Variants in POLR1B observed in about 807,000 individuals in gnomAD.
POLR1B encodes the protein RNA polymerase I subunit B.
A neutral mutation model predicts 105.8 loss-of-function variants in POLR1B; 30 were observed. That is an observed-to-expected ratio of 0.28 (90% CI 0.21 to 0.38). The LOEUF (loss-of-function observed/expected upper bound fraction) is 0.38. Among genes scored for constraint, POLR1B ranks in the 10% least tolerant of loss-of-function variants. The pLI, the probability that POLR1B is intolerant of heterozygous loss-of-function variation, is 1.00. For missense variants in POLR1B, 976 were observed against 1,435.8 expected (o/e 0.68, Z 5.17); for synonymous variants, 485 against 505.1 (o/e 0.96, Z 0.53).
intron 9 of POLR1B, among the ~76,000 whole-genome samples, chr2:112,561,557 G>A (rs1368742592): frequency 6.6e-6 from 1 of 152,010 alleles, no homozygotes; most frequent in Non-Finnish European, 1.5e-5. Flanking sequence ...GTGCCTAGGG[G>A]AAATACAGGG....
At chr2:112,570,725 T>G (rs748748851) in intron 12 of POLR1B, among the ~76,000 whole-genome samples, 2 of 152,120 alleles carry the variant, frequency 1.3e-5, no homozygotes, top group Non-Finnish European at 2.9e-5. Context: ...AACATTGTTA[T>G]GCAGTGCATG....
Position 112,575,247 on chromosome 2 carries a change from A to G in POLR1B, c.2926A>G (p.Thr976Ala). ...LKAAGYNFYGTERLYSGISGL... is the reference protein window; with the variant it reads ...LKAAGYNFYGAERLYSGISGL... ...GGCTGCTGGCTACAATTTCTATGGC[A>G]CCGAGAGGTTATATAGTGGCATCAG... The change falls in exon 15 of 15, where the codon ACC becomes GCC. Residue 976 changes from threonine to alanine, a missense_variant. Thr to Ala is a moderately conservative substitution (Grantham distance 58). Transcript: ENST00000263331. The surrounding 1 kb of genome is among the most constrained non-coding windows in gnomAD (Gnocchi z 5.3). 1 of 1,614,212 alleles carries G rather than the reference A, an allele frequency of 6.2e-7. No homozygotes were observed. The highest frequency in any genetic ancestry group is 2.2e-5 in the East Asian group (1 of 44,888).
In POLR1B at chr2:112,572,697, T is replaced by C. The variant is rs760076653; in HGVS notation, c.2210T>C (p.Ile737Thr). The C allele has an allele frequency of 1.7e-5, 27 of 1,612,920 alleles. No homozygotes were observed. Among genetic ancestry groups the C allele is most frequent in the Non-Finnish European group, 2.1e-5 (25 of 1,179,558 alleles). Residue 737 changes from isoleucine (I) to threonine (T), a missense_variant, in exon 13 of 15, where the codon ATT (isoleucine) becomes ACT (threonine). This residue lies in a region of POLR1B where 46 missense variants were observed against 66.8 expected (regional missense o/e 0.69). Transcript: ENST00000263331. ...TATTATGACATGGATAACTATCCAA[T>C]TGGGACCAATGCCATCGTTGCTGTG... ...YDYYDMDNYP[I>T]GTNAIVAVIS...
chr2:112,556,027 T>A (rs1683640500), intron 7 of POLR1B, among the ~76,000 whole-genome samples: 1 of 152,050 alleles, frequency 6.6e-6, no homozygotes, highest in Non-Finnish European at 1.5e-5. Flanking sequence ...GACATAGTTA[T>A]GAAAAAAAAG....
intron 1 of POLR1B, chr2:112,545,797 G>T: frequency 2.7e-6 from 1 of 364,546 alleles, no homozygotes; most frequent in Non-Finnish European, 5.3e-6. Context: ...GCACCACTAT[G>T]CCCGGCTAAT....
At position 112,548,615 on chromosome 2, in the gene POLR1B, C is replaced by CT. The variant is rs199599329; in HGVS notation, c.493-637dup. 5.4e-3 allele frequency among the ~76,000 whole-genome samples: 770 copies of CT among 142,670 alleles called. 2 individuals are homozygous for CT. The highest frequency in any genetic ancestry group is 0.013 in the South Asian group (57 of 4,510). 93.6% of individuals were successfully genotyped at this position (142,670 alleles called of 152,430 possible). On this transcript the variant is annotated intron_variant, in intron 3 of 14. Coordinates refer to ENST00000263331, the MANE Select transcript of POLR1B (RefSeq NM_019014.6). ...CAAAATGGTTACAGTTTTTATCTTT[C>CT]TTTTTTTTTTTTTTTGAGACGGAGT...
rs763660832 is a variant in POLR1B, at chr2:112,572,700, G to C, written c.2213G>C (p.Gly738Ala). The change falls in exon 13 of 15, where the codon GGG becomes GCG. Residue 738 changes from glycine (G) to alanine (A), a missense_variant. Gly to Ala is a moderately conservative substitution (Grantham distance 60, BLOSUM62 0). Coordinates refer to ENST00000263331, the MANE Select transcript of POLR1B (RefSeq NM_019014.6). ...DYYDMDNYPI[G>A]TNAIVAVISY... ...TATGACATGGATAACTATCCAATTG[G>C]GACCAATGCCATCGTTGCTGTGATT... 6.2e-7 allele frequency: 1 copy of C among 1,611,430 alleles called. No individual in the cohort carries two copies. The highest frequency in any genetic ancestry group is 8.5e-7 in the Non-Finnish European group (1 of 1,178,730).
At position 112,558,484 on chromosome 2, in the gene POLR1B, A is replaced by T. The variant is rs143696425; in HGVS notation, c.1330+403A>T. ...GAGACCAAGGTAGGAGGGTCACTTG[A>T]TCCTAGGAGGTCAAGGCTGCAGTGA... is the stretch of plus-strand genomic sequence containing the variant. On this transcript the variant is annotated intron_variant, in intron 8 of 14. Coordinates refer to ENST00000263331, the MANE Select transcript of POLR1B (RefSeq NM_019014.6). Among the ~76,000 whole-genome samples the T allele has an allele frequency of 8.7e-3, 1,323 of 152,148 alleles. 29 individuals carry two copies. The highest frequency in any genetic ancestry group is 0.03 in the African/African-American group (1,246 of 41,520).
At position 112,550,857 on chromosome 2, in the gene POLR1B, G is replaced by C. The variant is rs1299889390; in HGVS notation, c.626-9G>C. ...GAGTTTCTGATTTTTTTGTTGTTTGGTTCAATAGGAGTTTCAATGCACTGT... is the reference window on the plus strand; with the variant it reads ...GAGTTTCTGATTTTTTTGTTGTTTGCTTCAATAGGAGTTTCAATGCACTGT... On this transcript the variant is annotated splice_polypyrimidine_tract_variant and intron_variant, in intron 4 of 14. Transcript: ENST00000263331. 1 of 1,612,116 alleles carries C rather than the reference G, an allele frequency of 6.2e-7. No homozygotes were observed. Among genetic ancestry groups the C allele is most frequent in the Non-Finnish European group, 8.5e-7 (1 of 1,179,248 alleles).
intron 10 of POLR1B, among the ~76,000 whole-genome samples, chr2:112,565,974 T>G (rs1166257491): frequency 1.3e-5 from 2 of 152,086 alleles, no homozygotes; most frequent in African/African-American, 4.8e-5. Context: ...GTCTTGTGCC[T>G]CAGCCTCCTG....
intron 7 of POLR1B, chr2:112,554,666 A>G (rs1357723555): frequency 6.6e-6 from 1 of 152,206 alleles, no homozygotes; most frequent in Non-Finnish European, 1.5e-5. Context: ...AAAGTGAAGC[A>G]TGGTGGGCTC....
chr2:112,552,465 G>A (rs1287681596), intron 6 of POLR1B, among the ~76,000 whole-genome samples, 180 bp from the exon 7 acceptor site: 2 of 152,176 alleles, frequency 1.3e-5, no homozygotes, highest in African/African-American at 4.8e-5. Flanking sequence ...GCTGTCCAGT[G>A]CATAGCCACC....
chr2:112,577,041 A>G lies in POLR1B; in HGVS notation c.*1312A>G, dbSNP rs1456597989. The G allele has an allele frequency of 6.6e-6, 1 of 152,322 alleles. No homozygotes were observed. The highest frequency in any genetic ancestry group is 1.9e-4 in the East Asian group (1 of 5,190). 9.4% of individuals were successfully genotyped at this position (152,322 alleles called of 1,614,324 possible). On this transcript the variant is annotated 3_prime_UTR_variant, in exon 15 of 15. Transcript: ENST00000263331. ...TAAGTTGTTCCATTCTTTGGCCATT[A>G]TAACTTTTTTCTGCAAATATTCTGG... is the stretch of plus-strand genomic sequence containing the variant.
rs139676221 is a variant in POLR1B at position 112,558,055 on chromosome 2, C to G, written c.1304C>G (p.Ala435Gly). The G allele has an allele frequency of 3.0e-6, 4 of 1,350,040 alleles. No individual in the cohort carries two copies. The highest frequency in any genetic ancestry group is 3.8e-6 in the Non-Finnish European group (4 of 1,039,426). 83.6% of individuals were successfully genotyped at this position (1,350,040 alleles called of 1,614,324 possible). Residue 435 changes from alanine to glycine, a missense_variant, in exon 8 of 15, where the codon GCT becomes GGT. Physicochemically the swap from Ala to Gly is moderately conservative, Grantham distance 60. Coordinates refer to ENST00000263331, the MANE Select transcript of POLR1B (RefSeq NM_019014.6). Reference sequence around the variant, plus strand: ...ACAAAACCATTTGAATACCTTTTTGCTACTGGGAATCTGCGTTCTAAAACA... The same window carrying G: ...ACAAAACCATTTGAATACCTTTTTGGTACTGGGAATCTGCGTTCTAAAACA... The part of the protein sequence containing the change: ...DLTKPFEYLF[A>G]TGNLRSKTGL...
At chr2:112,562,803 G>A (rs1278520003) in intron 9 of POLR1B, among the ~76,000 whole-genome samples, 15 of 141,318 alleles carry the variant, frequency 1.1e-4, no homozygotes, top group Admixed American at 1.1e-3. Flanking sequence ...TCGGCTCACC[G>A]CAACCTCCAC....
intron 9 of POLR1B, among the ~76,000 whole-genome samples, chr2:112,563,773 G>A (rs542864514): frequency 3.3e-5 from 5 of 152,144 alleles, no homozygotes; most frequent in African/African-American, 1.2e-4. Flanking sequence ...ATGATGGCAC[G>A]CACCTGTCAG....
At chr2:112,550,037 G>C (rs1223219487) in intron 4 of POLR1B, among the ~76,000 whole-genome samples, 2 of 152,122 alleles carry the variant, frequency 1.3e-5, no homozygotes, top group Non-Finnish European at 2.9e-5. Context: ...GTGTATTTTT[G>C]TTACTACTTA....
In POLR1B at chr2:112,577,007, C is replaced by G. The variant is rs1684897226; in HGVS notation, c.*1278C>G. ...TTTTATTGTATGGATTTACCATCCC[C>G]TGTGTATTTAAGTTGTTCCATTCTT... is the stretch of plus-strand genomic sequence containing the variant. On this transcript the variant is annotated 3_prime_UTR_variant, in exon 15 of 15. Transcript: ENST00000263331. 6.6e-6 allele frequency: 1 copy of G among 152,190 alleles called. No individual in the cohort carries two copies. Among genetic ancestry groups the G allele is most frequent in the African/African-American group, 2.4e-5 (1 of 41,446 alleles). The allele number at this position is 152,190 out of a possible 1,614,324, so 9.4% of individuals were successfully genotyped here.
At chr2:112,554,890 A>C (rs960517665) in intron 7 of POLR1B, among the ~76,000 whole-genome samples, 3 of 152,128 alleles carry the variant, frequency 2.0e-5, no homozygotes, top group Admixed American at 2.0e-4. Flanking sequence ...AATAAAAACT[A>C]TTAGCAGTGG....
Sources: allele counts gnomAD v4.1 joint callset (sites outside exome capture counted in the v4.1 genomes callset), GRCh38; gene constraint gnomAD v4.1.1; regional missense constraint gnomAD v4.1.1; non-coding constraint Gnocchi (gnomAD v3.1); transcripts MANE v1.5; gene names NCBI Gene and HGNC (gene_info 2026-07-23, HGNC 2026-07-21).